FNDC3A: variants seen among roughly 807,000 people sequenced by gnomAD.
FNDC3A encodes fibronectin type-III domain-containing protein 3A.
FNDC3A carries 32 observed loss-of-function variants against 148.9 expected under a neutral mutation model. The ratio of observed to expected loss-of-function variants is 0.21; its 90% CI spans 0.16 to 0.29. The LOEUF (loss-of-function observed/expected upper bound fraction) is 0.29. Ranked by LOEUF, FNDC3A falls within the 10% of genes least tolerant of loss-of-function variation. The probability of loss-of-function intolerance (pLI) is 1.00; values close to 1 mark genes in which losing one functional copy is unlikely to be tolerated. For synonymous variants in FNDC3A, 472 were observed against 473.6 expected, an observed-to-expected ratio of 1.00 and a Z score of 0.04; for missense variants, 1,191 against 1,452.8, an observed-to-expected ratio of 0.82 and a Z score of 2.93.
At chr13:48,981,839 A>G (rs1327434521) in intron 1 of FNDC3A, among the ~76,000 whole-genome samples, 1 of 152,086 alleles carries the variant, frequency 6.6e-6, no homozygotes, top group Non-Finnish European at 1.5e-5. Flanking sequence ...GCTGGGGGAA[A>G]AAAAAGTGTT....
In FNDC3A at chr13:49,187,095, C is replaced by T. The variant is rs755635526; in HGVS notation, c.1757-27C>T. On this transcript the variant is annotated intron_variant, in intron 15 of 25. Coordinates refer to ENST00000492622, the MANE Select transcript of FNDC3A (RefSeq NM_001079673.2). ...ATTTTTATGTTGTTTTGTACCTTGC[C>T]TAATACTACTTTGCTTCTTTGGATA... 14 of 1,553,660 alleles carry T rather than the reference C, an allele frequency of 9.0e-6. No individual in the cohort carries two copies. In the East Asian group the frequency reaches 3.1e-4, roughly 35 times the overall value.
At chr13:48,986,997 A>G (rs1237862954) in intron 1 of FNDC3A, among the ~76,000 whole-genome samples, 2 of 152,248 alleles carry the variant, frequency 1.3e-5, no homozygotes, top group African/African-American at 2.4e-5. Context: ...TTTAGTTACC[A>G]ATGTATTACT....
intron 8 of FNDC3A, among the ~76,000 whole-genome samples, chr13:49,158,289 TGC>T (rs1491468232): frequency 2.6e-5 from 4 of 152,206 alleles, no homozygotes; most frequent in Non-Finnish European, 5.9e-5. Flanking sequence ...ATTTTCCAGG[TGC>T]GTCTGTCACC....
intron 8 of FNDC3A, among the ~76,000 whole-genome samples, chr13:49,148,148 A>C (rs1883094589): frequency 6.7e-6 from 1 of 150,040 alleles, no homozygotes; most frequent in East Asian, 2.0e-4. Flanking sequence ...GTTTGCAAAT[A>C]CTCTCTCCCT....
chr13:49,144,134 AT>A (rs1369830265), intron 7 of FNDC3A, among the ~76,000 whole-genome samples: 2 of 151,984 alleles, frequency 1.3e-5, no homozygotes, highest in Non-Finnish European at 2.9e-5. Flanking sequence ...AACTATTATC[AT>A]CCCATAAAAT....
intron 2 of FNDC3A, among the ~76,000 whole-genome samples, chr13:49,038,713 C>G (rs1874692455): frequency 6.6e-6 from 1 of 152,070 alleles, no homozygotes; most frequent in South Asian, 2.1e-4. Flanking sequence ...AATCCTTCAC[C>G]AAGTTTTAGA....
At chr13:49,090,237 A>G (rs1279796921) in intron 3 of FNDC3A, among the ~76,000 whole-genome samples, 1 of 152,176 alleles carries the variant, frequency 6.6e-6, no homozygotes, top group East Asian at 1.9e-4. Context: ...CCTGACCAAC[A>G]TGGTGAAACC....
At chr13:49,110,254 A>G (rs1259822103) in intron 3 of FNDC3A, 2 of 1,132,622 alleles carry the variant, frequency 1.8e-6, no homozygotes, top group Non-Finnish European at 2.4e-6. Context: ...TCACGTGATG[A>G]CTGTCACGTG....
intron 3 of FNDC3A, among the ~76,000 whole-genome samples, chr13:49,076,944 T>C (rs931234034): frequency 2.0e-5 from 3 of 152,222 alleles, no homozygotes; most frequent in Non-Finnish European, 2.9e-5. Context: ...ATTCTTGGCC[T>C]TCCATATGTT....
chr13:49,043,321 T>G (rs376969627), intron 2 of FNDC3A, among the ~76,000 whole-genome samples: 1 of 152,220 alleles, frequency 6.6e-6, no homozygotes, highest in South Asian at 2.1e-4. Flanking sequence ...TTTGTGTACA[T>G]TGAAGACAGT....
intron 2 of FNDC3A, among the ~76,000 whole-genome samples, chr13:49,041,672 G>A (rs932873633): frequency 9.9e-5 from 15 of 152,064 alleles, no homozygotes; most frequent in Non-Finnish European, 1.6e-4. Context: ...TTGGCTGGGC[G>A]TGGTGGTGGG....
chr13:49,131,072 T>C, intron 4 of FNDC3A, 65 bp from the exon 5 acceptor site: 1 of 1,358,528 alleles, frequency 7.4e-7, no homozygotes, highest in Non-Finnish European at 1.1e-6. Context: ...ACCCTACTCT[T>C]AACATTTTTA....
At chr13:49,202,097 G>A (rs574771820) in intron 24 of FNDC3A, 131 bp downstream of exon 24, 1 of 523,516 alleles carries the variant, frequency 1.9e-6, no homozygotes, top group South Asian at 4.5e-5. Context: ...AAATCGTATA[G>A]GCAAGCCCAA....
chr13:49,175,789 A>G (rs1324241501), intron 13 of FNDC3A, among the ~76,000 whole-genome samples: 1 of 152,168 alleles, frequency 6.6e-6, no homozygotes, highest in Admixed American at 6.5e-5. Context: ...GTTTTCAAAG[A>G]GAATGCTTCC....
intron 15 of FNDC3A, among the ~76,000 whole-genome samples, chr13:49,186,782 C>T (rs1350101314): frequency 2.0e-5 from 3 of 152,098 alleles, no homozygotes; most frequent in South Asian, 2.1e-4. Flanking sequence ...GCAGGAGAAT[C>T]GCTTGAACCC....
At chr13:49,104,281 C>A (rs932015871) in intron 3 of FNDC3A, among the ~76,000 whole-genome samples, 1 of 152,120 alleles carries the variant, frequency 6.6e-6, no homozygotes, top group Non-Finnish European at 1.5e-5. Flanking sequence ...AATCCCAGTA[C>A]TTTGGGAGGC....
intron 2 of FNDC3A, chr13:49,045,770 A>G (rs980151029): frequency 1.4e-5 from 8 of 574,500 alleles, no homozygotes; most frequent in Non-Finnish European, 2.4e-5. Flanking sequence ...ACAGCATAGC[A>G]TCTGATTTTA....
At chr13:49,178,448 C>G in intron 13 of FNDC3A, 120 bp from the exon 14 acceptor site, 1 of 648,098 alleles carries the variant, frequency 1.5e-6, no homozygotes, top group Non-Finnish European at 2.7e-6. Flanking sequence ...CTCAACAGAG[C>G]ATTAGTCATA....
At chr13:49,000,486 G>T (rs374094938) in intron 1 of FNDC3A, among the ~76,000 whole-genome samples, 1 of 152,096 alleles carries the variant, frequency 6.6e-6, no homozygotes, top group Non-Finnish European at 1.5e-5. Context: ...CTGTGGCTTT[G>T]TAATATGCTT....
Sources: allele counts gnomAD v4.1 joint callset (sites outside exome capture counted in the v4.1 genomes callset), GRCh38; gene constraint gnomAD v4.1.1; transcripts MANE v1.5; gene names NCBI Gene and HGNC (gene_info 2026-07-23, HGNC 2026-07-21).